The following GPR137C variants were observed in gnomAD, a reference collection of about 807,000 sequenced individuals.
GPR137C encodes the protein integral membrane protein GPR137C.
In GPR137C, 27 loss-of-function variants were observed where a neutral mutation model predicts 43.4. The observed-to-expected ratio is 0.62, with a 90% CI of 0.46 to 0.86. The LOEUF (loss-of-function observed/expected upper bound fraction) is 0.86. GPR137C is among the 40% of genes least tolerant of loss of function. The pLI is 0.00. For missense variants in GPR137C, 522 were observed against 534.6 expected (o/e 0.98, Z 0.23); for synonymous variants, 285 against 226.9 (o/e 1.26, Z -2.30).
chr14:52,630,433 T>A (rs910749482), intron 3 of GPR137C, among the ~76,000 whole-genome samples: 1 of 150,876 alleles, frequency 6.6e-6, no homozygotes, highest in African/African-American at 2.5e-5. Context: ...GGATCTGGAT[T>A]GGTTTAGATT....
intron 3 of GPR137C, among the ~76,000 whole-genome samples, chr14:52,618,632 A>C (rs1440290533): frequency 3.3e-5 from 5 of 152,318 alleles, no homozygotes; most frequent in African/African-American, 1.2e-4. Flanking sequence ...GTTATAAATC[A>C]ATGAAGTAAA....
intron 3 of GPR137C, among the ~76,000 whole-genome samples, chr14:52,617,655 G>A (rs1053910922): frequency 2.0e-5 from 3 of 152,220 alleles, no homozygotes; most frequent in South Asian, 2.1e-4. Flanking sequence ...CTCCAGCCTG[G>A]GCAACAGAGC....
At chr14:52,625,261 A>G (rs2039209138) in intron 3 of GPR137C, among the ~76,000 whole-genome samples, 1 of 152,010 alleles carries the variant, frequency 6.6e-6, no homozygotes, top group Non-Finnish European at 1.5e-5. Flanking sequence ...AGGCGGGTGG[A>G]TCACAAGGTC....
intron 6 of GPR137C, 30 bp from the exon 7 acceptor site, chr14:52,634,908 T>G (rs199957068): frequency 1.2e-6 from 2 of 1,605,892 alleles, no homozygotes; most frequent in African/African-American, 1.3e-5. Context: ...ATCATAGTCC[T>G]ATGGTCTTTT....
At chr14:52,611,326 T>A (rs1460772947) in intron 3 of GPR137C, among the ~76,000 whole-genome samples, 1 of 151,940 alleles carries the variant, frequency 6.6e-6, no homozygotes, top group Non-Finnish European at 1.5e-5. Context: ...TATATTAAAA[T>A]GTTATCTTTT....
intron 1 of GPR137C, among the ~76,000 whole-genome samples, chr14:52,564,950 C>T (rs953150571): frequency 6.6e-6 from 1 of 150,728 alleles, no homozygotes; most frequent in African/African-American, 2.4e-5. Context: ...AAAATGCTTG[C>T]TTTAAAACAA....
intron 1 of GPR137C, among the ~76,000 whole-genome samples, chr14:52,567,640 C>T (rs894260154): frequency 8.7e-5 from 13 of 148,746 alleles, no homozygotes; most frequent in Non-Finnish European, 1.6e-4. Context: ...TGCTTACATT[C>T]AGATTGTTCT....
At chr14:52,629,478 G>C (rs2039269311) in intron 3 of GPR137C, among the ~76,000 whole-genome samples, 1 of 152,196 alleles carries the variant, frequency 6.6e-6, no homozygotes, top group Non-Finnish European at 1.5e-5. Context: ...ATCAGGAAGA[G>C]TTGGTCACTG....
chr14:52,628,880 G>A (rs1038270990), intron 3 of GPR137C, among the ~76,000 whole-genome samples: 8 of 152,152 alleles, frequency 5.3e-5, no homozygotes, highest in African/African-American at 1.4e-4. Context: ...AAATGTTTGC[G>A]ATACGTATAT....
At chr14:52,566,155 C>T (rs17725088) in intron 1 of GPR137C, among the ~76,000 whole-genome samples, 13,612 of 152,192 alleles carry the variant, frequency 0.089, 671 homozygotes, top group East Asian at 0.15. Context: ...ACCCAGGGAT[C>T]ATCATCCTTC....
At chr14:52,575,007 A>G (rs1347848442) in intron 1 of GPR137C, among the ~76,000 whole-genome samples, 1 of 152,214 alleles carries the variant, frequency 6.6e-6, no homozygotes, top group African/African-American at 2.4e-5. Context: ...TCAGTTTTCT[A>G]GGGAGTCTAA....
chr14:52,610,555 A>C (rs973439085), intron 3 of GPR137C, among the ~76,000 whole-genome samples: 4 of 152,178 alleles, frequency 2.6e-5, no homozygotes, highest in African/African-American at 9.7e-5. Flanking sequence ...TTTATAAATT[A>C]AATTTTATTA....
intron 3 of GPR137C, 133 bp downstream of exon 3, chr14:52,600,474 C>T (rs2038910988): frequency 1.7e-6 from 1 of 603,004 alleles, no homozygotes; most frequent in Non-Finnish European, 2.9e-6. Flanking sequence ...AGGGTCTCGC[C>T]ATATTAGTCA....
chr14:52,580,783 T>C (rs896652068), intron 1 of GPR137C, among the ~76,000 whole-genome samples: 18 of 146,492 alleles, frequency 1.2e-4, no homozygotes, highest in African/African-American at 2.5e-5. Context: ...TATATATATC[T>C]ACTAAATATA....
At position 52,619,933 on chromosome 14, in the gene GPR137C, G is replaced by GA. The variant is rs574324074; in HGVS notation, c.718-12219dup. On this transcript the variant is annotated intron_variant, in intron 3 of 6. Coordinates refer to ENST00000321662, the MANE Select transcript of GPR137C (RefSeq NM_001099652.2). ...GGAAATAGTATTTGTAAGATTATTT[G>GA]AAAAAAAATACATGCACGATTCTAT... is the stretch of plus-strand genomic sequence containing the variant. Among the ~76,000 whole-genome samples the GA allele has an allele frequency of 3.3e-5, 5 of 151,814 alleles. No individual in the cohort carries two copies. In the East Asian group the frequency reaches 5.8e-4, roughly 18 times the overall value.
At chr14:52,630,380 T>A (rs748805493) in intron 3 of GPR137C, among the ~76,000 whole-genome samples, 2 of 152,176 alleles carry the variant, frequency 1.3e-5, no homozygotes, top group Non-Finnish European at 2.9e-5. Context: ...TTTCTTGTTC[T>A]TGTTTCCTTA....
intron 1 of GPR137C, among the ~76,000 whole-genome samples, chr14:52,595,756 G>A (rs540297105): frequency 1.5e-4 from 23 of 152,250 alleles, no homozygotes; most frequent in Non-Finnish European, 2.9e-4. Context: ...CTTGCATTGG[G>A]TTAGAACATG....
chr14:52,604,067 G>A (rs2038956883), intron 3 of GPR137C, among the ~76,000 whole-genome samples: 1 of 152,040 alleles, frequency 6.6e-6, no homozygotes, highest in Admixed American at 6.6e-5. Context: ...TGCTTTTGTA[G>A]AGATGTCTAT....
intron 1 of GPR137C, among the ~76,000 whole-genome samples, chr14:52,556,238 G>A (rs1489890499): frequency 6.6e-6 from 1 of 151,820 alleles, no homozygotes; most frequent in Admixed American, 6.6e-5. Flanking sequence ...GTTTTTTTCT[G>A]ATTCTCACTA....
Sources: gnomAD v4.1 joint callset for allele counts (sites outside exome capture counted in the v4.1 genomes callset) on GRCh38, gnomAD v4.1.1 for gene constraint, MANE v1.5 for transcripts, NCBI Gene and HGNC (gene_info 2026-07-23, HGNC 2026-07-21) for gene names.